WDPCP: variants seen among roughly 807,000 people sequenced by gnomAD.
WDPCP encodes the protein WD repeat-containing and planar cell polarity effector protein fritz homolog.
In WDPCP, 71 loss-of-function variants were observed where a neutral mutation model predicts 93.1. The ratio of observed to expected loss-of-function variants is 0.76; its 90% CI spans 0.63 to 0.93. The LOEUF is 0.93. Ranked by LOEUF, WDPCP falls within the 40% of genes least tolerant of loss-of-function variation. The probability of loss-of-function intolerance (pLI) is 0.00; values close to 1 mark genes in which losing one functional copy is unlikely to be tolerated. For missense variants in WDPCP, 844 were observed against 887.4 expected, an observed-to-expected ratio of 0.95 and a Z score of 0.62; for synonymous variants, 315 against 315.0, an observed-to-expected ratio of 1.00 and a Z score of 0.00.
intron 12 of WDPCP, among the ~76,000 whole-genome samples, chr2:63,314,120 G>A (rs867759428): frequency 3.6e-4 from 54 of 149,946 alleles, no homozygotes; most frequent in African/African-American, 1.1e-3. Flanking sequence ...CTCATGATCC[G>A]CCTGCCTCAG....
intron 17 of WDPCP, among the ~76,000 whole-genome samples, chr2:63,145,042 C>T (rs1292945868): frequency 6.6e-6 from 1 of 152,106 alleles, no homozygotes; most frequent in African/African-American, 2.4e-5. Flanking sequence ...GGTCTAGCTA[C>T]CCAGCTGGTT....
At chr2:63,384,633 C>T (rs1692582154) in intron 10 of WDPCP, among the ~76,000 whole-genome samples, 1 of 151,828 alleles carries the variant, frequency 6.6e-6, no homozygotes, top group African/African-American at 2.4e-5. Flanking sequence ...CACCTATTGT[C>T]CCAGCCTCAC....
chr2:63,571,207 G>A (rs1707473307), intron 1 of WDPCP, among the ~76,000 whole-genome samples: 1 of 152,016 alleles, frequency 6.6e-6, no homozygotes, highest in African/African-American at 2.4e-5. Context: ...CACCGCGCCT[G>A]GTCAGGGTAA....
At chr2:63,707,874 G>A (rs962488276) in intron 2 of WDPCP, among the ~76,000 whole-genome samples, 2 of 152,202 alleles carry the variant, frequency 1.3e-5, no homozygotes, top group African/African-American at 4.8e-5. Flanking sequence ...AGGTCTGTTG[G>A]AGTTTGCTGG....
intron 3 of WDPCP, among the ~76,000 whole-genome samples, chr2:63,606,279 G>T (rs1709526258): frequency 6.6e-6 from 1 of 152,154 alleles, no homozygotes; most frequent in African/African-American, 2.4e-5. Flanking sequence ...TTCTTGAGAG[G>T]CTGAGGTAGG....
intron 12 of WDPCP, among the ~76,000 whole-genome samples, chr2:63,319,386 A>C (rs1175061458): frequency 6.6e-6 from 1 of 152,266 alleles, no homozygotes; most frequent in Non-Finnish European, 1.5e-5. Context: ...AAATGTATAA[A>C]GCAAAACATG....
At chr2:63,282,222 T>C (rs2030189) in intron 13 of WDPCP, among the ~76,000 whole-genome samples, 121,820 of 152,204 alleles carry the variant, frequency 0.8, 49,604 homozygotes, top group East Asian at 0.96. Flanking sequence ...AAAACAGACA[T>C]GGGCTCGGGC....
intron 14 of WDPCP, among the ~76,000 whole-genome samples, chr2:63,253,175 A>G (rs994050148): frequency 6.6e-6 from 1 of 152,180 alleles, no homozygotes; most frequent in Non-Finnish European, 1.5e-5. Flanking sequence ...TCCCTATCCA[A>G]TAAATGGTTC....
chr2:63,163,683 T>C (rs906488400), intron 15 of WDPCP, among the ~76,000 whole-genome samples: 1 of 152,166 alleles, frequency 6.6e-6, no homozygotes, highest in Non-Finnish European at 1.5e-5. Context: ...ATTGTCAGAT[T>C]TTCTGTTGGC....
At chr2:63,699,229 T>C (rs558612131) in intron 2 of WDPCP, among the ~76,000 whole-genome samples, 1 of 152,312 alleles carries the variant, frequency 6.6e-6, no homozygotes, top group East Asian at 1.9e-4. Flanking sequence ...TCACTGATAA[T>C]GTACTACCTC....
chr2:63,632,516 A>T (rs1279186560), intron 3 of WDPCP, among the ~76,000 whole-genome samples: 3 of 152,226 alleles, frequency 2.0e-5, no homozygotes, highest in African/African-American at 7.2e-5. Context: ...AGTTCAACAG[A>T]CAGATAGAAA....
At chr2:63,232,220 T>TA (rs1275992621) in intron 14 of WDPCP, among the ~76,000 whole-genome samples, 9 of 152,164 alleles carry the variant, frequency 5.9e-5, no homozygotes, top group African/African-American at 1.9e-4. Context: ...CCTAAAACCA[T>TA]AAAAACCCTA....
chr2:63,808,533 G>A (rs1018948533), intron 2 of WDPCP, among the ~76,000 whole-genome samples: 2 of 152,214 alleles, frequency 1.3e-5, no homozygotes, highest in Non-Finnish European at 1.5e-5. Flanking sequence ...TGGTGGAGAC[G>A]GGGTTTCGCT....
At chr2:63,706,184 C>T (rs1449565697) in intron 2 of WDPCP, among the ~76,000 whole-genome samples, 70 of 146,674 alleles carry the variant, frequency 4.8e-4, no homozygotes, top group African/African-American at 1.4e-3. Flanking sequence ...TTTGAGCCTA[C>T]GTGTGTCTCT....
intron 12 of WDPCP, among the ~76,000 whole-genome samples, chr2:63,329,600 T>C (rs1048448792): frequency 6.6e-6 from 1 of 152,196 alleles, no homozygotes; most frequent in African/African-American, 2.4e-5. Flanking sequence ...TCTGGTTTTG[T>C]ATATCAATGT....
intron 1 of WDPCP, among the ~76,000 whole-genome samples, chr2:63,568,345 A>C (rs2106454420): frequency 1.7e-5 from 1 of 60,116 alleles, no homozygotes; most frequent in East Asian, 1.5e-3. Context: ...TAAATTCCTA[A>C]AAAAAAAAAC....
chr2:63,427,669 G>A (rs1242173305), intron 9 of WDPCP, among the ~76,000 whole-genome samples: 1 of 151,986 alleles, frequency 6.6e-6, no homozygotes, highest in Non-Finnish European at 1.5e-5. Context: ...TGCACCTAGA[G>A]GAACTAGTAA....
chr2:63,452,213 T>C (rs1575446069), intron 6 of WDPCP, among the ~76,000 whole-genome samples: 1 of 152,138 alleles, frequency 6.6e-6, no homozygotes, highest in Non-Finnish European at 1.5e-5. Flanking sequence ...AGCCTAAAAT[T>C]TCCTTAAGCT....
chr2:63,345,394 G>A (rs1274302301), intron 12 of WDPCP, among the ~76,000 whole-genome samples: 3 of 152,116 alleles, frequency 2.0e-5, no homozygotes, highest in African/African-American at 4.8e-5. Flanking sequence ...CTGTAGAACC[G>A]CTCTGCAGTA....
Sources: allele counts gnomAD v4.1 joint callset (sites outside exome capture counted in the v4.1 genomes callset), GRCh38; gene constraint gnomAD v4.1.1; transcripts MANE v1.5; gene names NCBI Gene and HGNC (gene_info 2026-07-23, HGNC 2026-07-21).